The following TMEM50B variants were observed in gnomAD, a reference collection of about 807,000 sequenced individuals.
TMEM50B encodes HCV p7-trans-regulated protein 3.
Under a neutral mutation model 23.4 loss-of-function variants are expected in TMEM50B, and 14 were observed. The observed-to-expected ratio is 0.60, with a 90% CI of 0.39 to 0.93. The LOEUF is 0.93. TMEM50B is among the 40% of genes least tolerant of loss of function. The pLI, the probability that TMEM50B is intolerant of heterozygous loss-of-function variation, is 0.00. For missense variants in TMEM50B, 159 were observed against 193.0 expected (o/e 0.82, Z 1.04); for synonymous variants, 64 against 62.3 (o/e 1.03, Z -0.13).
At chr21:33,469,944 AG>A (rs2084297764) in intron 1 of TMEM50B, among the ~76,000 whole-genome samples, 1 of 152,176 alleles carries the variant, frequency 6.6e-6, no homozygotes. Flanking sequence ...TTTAAGCCAC[AG>A]GGTTTTGGCA....
At chr21:33,447,892 T>TA (rs1368655490), downstream of TMEM50B, among the ~76,000 whole-genome samples, 1 of 152,226 alleles carries the variant, frequency 6.6e-6, no homozygotes, top group African/African-American at 2.4e-5. Flanking sequence ...TTGAGAACCT[T>TA]AGTAAGGGAA....
chr21:33,458,090 G>A (rs542745884), intron 5 of TMEM50B, among the ~76,000 whole-genome samples: 1 of 152,260 alleles, frequency 6.6e-6, no homozygotes. Flanking sequence ...GAAGCTCTCC[G>A]AACCTCTTCT....
chr21:33,471,685 G>A (rs2084317039), intron 1 of TMEM50B, among the ~76,000 whole-genome samples: 1 of 152,086 alleles, frequency 6.6e-6, no homozygotes, highest in Non-Finnish European at 1.5e-5. Flanking sequence ...CCCAGCCCAG[G>A]CAACATAGCA....
At chr21:33,447,177 A>C (rs2084068797), downstream of TMEM50B, 1 of 151,484 alleles carries the variant, frequency 6.6e-6, no homozygotes, top group Admixed American at 6.6e-5. Context: ...ATAAAGAAAG[A>C]AAAAACATGT....
intron 7 of TMEM50B, among the ~76,000 whole-genome samples, chr21:33,441,778 C>T (rs144341197): frequency 0.011 from 1,631 of 152,182 alleles, 32 homozygotes; most frequent in African/African-American, 0.037. Context: ...TACAGGCATC[C>T]GCCACCATGC....
intron 8 of TMEM50B, among the ~76,000 whole-genome samples, chr21:33,435,532 C>T (rs1266365282): frequency 1.3e-5 from 2 of 152,146 alleles, no homozygotes; most frequent in Non-Finnish European, 2.9e-5. Context: ...TTAACATGGT[C>T]AGCCCTGGGA....
chr21:33,457,284 T>A (rs1321454562), intron 5 of TMEM50B, among the ~76,000 whole-genome samples: 1 of 151,356 alleles, frequency 6.6e-6, no homozygotes, highest in African/African-American at 2.4e-5. Context: ...TTTAAATGAG[T>A]AATGCTGTTG....
chr21:33,451,925 T>C (rs1413977472), intron 6 of TMEM50B, among the ~76,000 whole-genome samples: 1 of 151,972 alleles, frequency 6.6e-6, no homozygotes, highest in Non-Finnish European at 1.5e-5. Flanking sequence ...ACCAGAGATG[T>C]AAATAAAAGA....
intron 7 of TMEM50B, among the ~76,000 whole-genome samples, chr21:33,439,805 T>G (rs2083992335): frequency 6.6e-6 from 1 of 151,368 alleles, no homozygotes; most frequent in South Asian, 2.1e-4. Context: ...CCGAGCACTT[T>G]GAGACCCTGA....
At chr21:33,468,557 A>T (rs2084285092) in intron 2 of TMEM50B, 1 of 442,482 alleles carries the variant, frequency 2.3e-6, no homozygotes, top group African/African-American at 2.0e-5. Flanking sequence ...TAATTATATT[A>T]TCACTGGAAC....
rs558213445 is a variant in TMEM50B, at chr21:33,477,272, G to A, written c.-42+2566C>T. Among the ~76,000 whole-genome samples, 3 of 150,482 alleles carry A rather than the reference G, an allele frequency of 2.0e-5. No homozygotes were observed. The South Asian group carries it at 6.3e-4, about 32-fold the overall frequency. On this transcript the variant is annotated intron_variant, in intron 1 of 6. Coordinates refer to ENST00000542230, the MANE Select transcript of TMEM50B (RefSeq NM_006134.7). ...ACTGCACTCCAGCCTGGGCAACACA[G>A]TGAGACCCGGTCTCCAAAGTGAGGG...
intron 5 of TMEM50B, among the ~76,000 whole-genome samples, chr21:33,459,740 G>T (rs747024940): frequency 5.3e-5 from 8 of 151,748 alleles, no homozygotes; most frequent in Non-Finnish European, 8.8e-5. Context: ...TTATCTACTG[G>T]CAATCCATAG....
At chr21:33,464,379 T>C (rs1016207173) in intron 4 of TMEM50B, among the ~76,000 whole-genome samples, 1 of 151,406 alleles carries the variant, frequency 6.6e-6, no homozygotes, top group African/African-American at 2.4e-5. Flanking sequence ...GTATATTTTT[T>C]AGTAGAGACG....
chr21:33,460,609 A>G lies in TMEM50B; in HGVS notation c.281-104T>C, dbSNP rs575331903. On this transcript the variant is annotated intron_variant, in intron 4 of 6. Transcript: ENST00000542230. ...CCTGTTAGCCTAGTATATATTATGC[A>G]TATCAAAGATAGTCATATATTTATA... 175 of 494,444 alleles carry G rather than the reference A, an allele frequency of 3.5e-4. 1 individual carries two copies. In the East Asian group the frequency reaches 5.7e-3, roughly 16 times the overall value. The allele number at this position is 494,444 out of a possible 1,614,324, so 30.6% of individuals were successfully genotyped here.
downstream of TMEM50B, among the ~76,000 whole-genome samples, chr21:33,448,173 T>C (rs1041236744): frequency 1.3e-5 from 2 of 151,978 alleles, no homozygotes; most frequent in South Asian, 4.2e-4. Context: ...TGTTGTATTT[T>C]TAGTACAGAC....
chr21:33,434,391 G>T (rs992246946), intron 8 of TMEM50B, among the ~76,000 whole-genome samples: 1 of 152,064 alleles, frequency 6.6e-6, no homozygotes, highest in Admixed American at 6.6e-5. Flanking sequence ...GCGTGGTGGT[G>T]GGCGCCTGTA....
Position 33,465,362 on chromosome 21 carries a change from C to CTT in TMEM50B, c.258_259dup (p.Ser87LysfsTer5), listed in dbSNP as rs1568983708. ...TTTACCTGTTCTTCCTAAACAGCCG[C>CTT]TTTCATAGCTATCACCTCTCACCTG... On this transcript the variant is annotated frameshift_variant, in exon 4 of 7. Coordinates refer to ENST00000542230, the MANE Select transcript of TMEM50B (RefSeq NM_006134.7). LOFTEE classifies it high-confidence loss of function. 6.2e-7 allele frequency: 1 copy of CTT among 1,613,184 alleles called. No homozygotes were observed.
At chr21:33,477,465 C>T (rs913913686) in intron 1 of TMEM50B, among the ~76,000 whole-genome samples, 2 of 152,128 alleles carry the variant, frequency 1.3e-5, no homozygotes, top group Non-Finnish European at 2.9e-5. Context: ...CATACCTCTG[C>T]GCTGTCTGAA....
At chr21:33,465,237 A>G in intron 4 of TMEM50B, 105 bp downstream of exon 4, 1 of 719,450 alleles carries the variant, frequency 1.4e-6, no homozygotes. Flanking sequence ...AAAATATTCT[A>G]TATAATCATT....
Sources: gnomAD v4.1 joint callset for allele counts (sites outside exome capture counted in the v4.1 genomes callset) on GRCh38, gnomAD v4.1.1 for gene constraint, MANE v1.5 for transcripts, NCBI Gene and HGNC (gene_info 2026-07-23, HGNC 2026-07-21) for gene names.